The following SS18 variants were observed in gnomAD, a reference collection of about 807,000 sequenced individuals.
The protein encoded by SS18 is protein SSXT.
A neutral mutation model predicts 72.5 loss-of-function variants in SS18; 28 were observed. The observed-to-expected ratio is 0.39, with a 90% CI of 0.29 to 0.53. SS18 has a LOEUF of 0.53. Among genes scored for constraint, SS18 ranks in the 20% least tolerant of loss-of-function variants. The pLI is 0.76. For missense variants in SS18, 518 were observed against 535.3 expected (o/e 0.97, Z 0.32); for synonymous variants, 172 against 164.2 (o/e 1.05, Z -0.37).
intron 10 of SS18, among the ~76,000 whole-genome samples, chr18:26,031,509 A>G (rs140710481): frequency 6.6e-6 from 1 of 152,252 alleles, no homozygotes; most frequent in African/African-American, 2.4e-5. Context: ...ACCTTCACTG[A>G]AAAGTGCAGA....
Position 26,090,530 on chromosome 18 carries a change from C to A in SS18, c.40G>T (p.Gly14Trp). ...AFAAPRQRGKGEITPAAIQKM... is the reference protein window; with the variant it reads ...AFAAPRQRGKWEITPAAIQKM... The stretch of plus-strand genomic sequence containing the variant: ...TGAATCGCAGCGGGAGTGATCTCCC[C>A]CTTGCCTCGCTGCCTCGGGGCCGCG... Residue 14 changes from glycine (G) to tryptophan (W), a missense_variant, in exon 1 of 11, where the codon GGG becomes TGG. By Grantham distance (184) the Gly-to-Trp change is radical. Coordinates refer to ENST00000415083, the MANE Select transcript of SS18 (RefSeq NM_001007559.3). The A allele has an allele frequency of 6.3e-7, 1 of 1,588,184 alleles. No homozygotes were observed. The highest frequency in any genetic ancestry group is 1.7e-5 in the Admixed American group (1 of 57,566).
At chr18:26,084,794 T>A (rs1307681841) in intron 2 of SS18, among the ~76,000 whole-genome samples, 1 of 152,136 alleles carries the variant, frequency 6.6e-6, no homozygotes, top group African/African-American at 2.4e-5. Flanking sequence ...ACCCCCAGAT[T>A]AAAGTATACT....
rs568907318 is a variant in SS18, at chr18:26,037,937, T to A, written c.880+618A>T. Among the ~76,000 whole-genome samples the A allele has an allele frequency of 3.3e-5, 5 of 152,176 alleles. No individual in the cohort carries two copies. The South Asian group carries it at 1.0e-3, about 32-fold the overall frequency. On this transcript the variant is annotated intron_variant, in intron 7 of 10. Transcript: ENST00000415083. ...CTAACCAATTTTTCACAAGCCACTTTCTACAAAAAAACAAAAAACAAAAAA... is the reference window on the plus strand; with the variant it reads ...CTAACCAATTTTTCACAAGCCACTTACTACAAAAAAACAAAAAACAAAAAA...
intron 2 of SS18, chr18:26,081,137 T>C (rs1239813284): frequency 1.3e-5 from 2 of 151,542 alleles, no homozygotes; most frequent in African/African-American, 4.9e-5. Context: ...TTTTCTAACT[T>C]CAGTATGTTT....
At chr18:26,080,046 A>G (rs4800713) in intron 2 of SS18, among the ~76,000 whole-genome samples, 29,245 of 152,100 alleles carry the variant, frequency 0.19, 5,778 homozygotes, top group African/African-American at 0.5. Flanking sequence ...TCACATGGAC[A>G]CTATGTTGCC....
At chr18:26,062,640 G>GTA (rs781254624) in intron 3 of SS18, among the ~76,000 whole-genome samples, 1 of 151,890 alleles carries the variant, frequency 6.6e-6, no homozygotes, top group Non-Finnish European at 1.5e-5. Flanking sequence ...TATATTCTGT[G>GTA]TACAACACAA....
chr18:26,042,161 G>A (rs917929620), intron 5 of SS18, among the ~76,000 whole-genome samples: 1 of 152,062 alleles, frequency 6.6e-6, no homozygotes, highest in Non-Finnish European at 1.5e-5. Context: ...TATCTCTTGA[G>A]ATACTAATGA....
intron 1 of SS18, among the ~76,000 whole-genome samples, chr18:26,088,790 A>C (rs1362674631): frequency 1.3e-5 from 2 of 152,308 alleles, no homozygotes; most frequent in East Asian, 1.9e-4. Context: ...TTAGCACAAT[A>C]CCATAATCAC....
At chr18:26,066,921 C>T (rs1400207935) in intron 3 of SS18, among the ~76,000 whole-genome samples, 3 of 152,112 alleles carry the variant, frequency 2.0e-5, no homozygotes, top group Non-Finnish European at 4.4e-5. Context: ...TTCAAATGTA[C>T]TCTGAATACA....
chr18:26,050,993 T>G (rs996396135), intron 5 of SS18, among the ~76,000 whole-genome samples: 1 of 152,196 alleles, frequency 6.6e-6, no homozygotes, highest in African/African-American at 2.4e-5. Context: ...GTCTTTAATC[T>G]CTTCAGATCT....
Position 26,090,477 on chromosome 18 carries a change from A to T in SS18, c.69+24T>A, listed in dbSNP as rs1257753136. On this transcript the variant is annotated intron_variant, in intron 1 of 10. Coordinates refer to ENST00000415083, the MANE Select transcript of SS18 (RefSeq NM_001007559.3). ...CTCCCAGAGGCGGTAAGGGCCTGGC[A>T]TCCGCAACCCCGCGCGGTTTCACCT... The T allele has an allele frequency of 6.4e-6, 10 of 1,555,934 alleles. No homozygotes were observed. The South Asian group carries it at 7.1e-5, about 11-fold the overall frequency.
At chr18:26,034,425 A>T (rs556767776) in intron 9 of SS18, among the ~76,000 whole-genome samples, 6 of 152,282 alleles carry the variant, frequency 3.9e-5, no homozygotes, top group Admixed American at 6.5e-5. Context: ...TCCAGGTAGC[A>T]GGTATTATAA....
At chr18:26,083,342 A>AC (rs2054562463) in intron 2 of SS18, among the ~76,000 whole-genome samples, 1 of 152,172 alleles carries the variant, frequency 6.6e-6, no homozygotes, top group South Asian at 2.1e-4. Flanking sequence ...GACATATACT[A>AC]CCCTTGGCTC....
chr18:26,090,671 G>A (rs1438992738), upstream of SS18: 1 of 1,225,512 alleles, frequency 8.2e-7, no homozygotes, highest in Non-Finnish European at 1.2e-6. Context: ...TCGGGAATGC[G>A]GGGAGGGGGG....
chr18:26,057,676 G>A lies in SS18; in HGVS notation c.298C>T (p.Arg100Cys), dbSNP rs149811250. 3.7e-6 allele frequency: 6 copies of A among 1,614,024 alleles called. No individual in the cohort carries two copies. The highest frequency in any genetic ancestry group is 3.3e-5 in the Admixed American group (2 of 60,004). ...CCATCTGAAGGCATGTTGTGAGAGC[G>A]TGGAGGTGGGGGAGGGCCGCTCTGA... ...MNQSGPPPPP[R>C]SHNMPSDGMV... The change falls in exon 4 of 11, where the codon CGC (arginine) becomes TGC (cysteine). Residue 100 changes from arginine (R) to cysteine (C), a missense_variant. Physicochemically the swap from Arg to Cys is radical, Grantham distance 180. Transcript: ENST00000415083.
intron 3 of SS18, among the ~76,000 whole-genome samples, chr18:26,077,611 C>T (rs907195355): frequency 6.6e-6 from 1 of 151,962 alleles, no homozygotes; most frequent in Non-Finnish European, 1.5e-5. Context: ...GCTAAGATCA[C>T]GTGTAAAACA....
At chr18:26,062,980 G>A (rs2054150124) in intron 3 of SS18, among the ~76,000 whole-genome samples, 1 of 152,088 alleles carries the variant, frequency 6.6e-6, no homozygotes, top group Admixed American at 6.5e-5. Flanking sequence ...AAAACCCTAT[G>A]AATATAAAAA....
chr18:26,051,141 G>C (rs1339686504), intron 5 of SS18, among the ~76,000 whole-genome samples: 1 of 152,062 alleles, frequency 6.6e-6, no homozygotes, highest in Non-Finnish European at 1.5e-5. Flanking sequence ...TTCAAGACCA[G>C]CCTGGGCAAC....
rs1273193638 is a variant in SS18, at chr18:26,032,495, G to C, written c.1134C>G (p.Asn378Lys). The C allele has an allele frequency of 7.4e-6, 12 of 1,613,664 alleles. No individual in the cohort carries two copies. The highest frequency in any genetic ancestry group is 1.0e-5 in the Non-Finnish European group (12 of 1,179,826). Residue 378 changes from asparagine (N) to lysine (K), a missense_variant, in exon 10 of 11, where the codon AAC becomes AAG. Asn to Lys is a moderately conservative substitution (Grantham distance 94). Transcript: ENST00000415083. Reference protein sequence around the residue: ...SQGGPGPQYPNYPQGQGQQYG... With the variant: ...SQGGPGPQYPKYPQGQGQQYG... Reference sequence around the variant, plus strand: ...ACTGCTGACCTTGTCCCTGTGGGTAGTTAGGATACTGAGGACCTGGACCAC... The same window carrying C: ...ACTGCTGACCTTGTCCCTGTGGGTACTTAGGATACTGAGGACCTGGACCAC...
Sources: allele counts gnomAD v4.1 joint callset (sites outside exome capture counted in the v4.1 genomes callset), GRCh38; gene constraint gnomAD v4.1.1; transcripts MANE v1.5; gene names NCBI Gene and HGNC (gene_info 2026-07-23, HGNC 2026-07-21).